The following DNAJC6 variants were observed in gnomAD, a reference collection of about 807,000 sequenced individuals.
DNAJC6 encodes the protein auxilin.
In DNAJC6, 34 loss-of-function variants were observed where a neutral mutation model predicts 110.0. That is an observed-to-expected ratio of 0.31 (90% CI 0.24 to 0.41). The LOEUF (loss-of-function observed/expected upper bound fraction) is 0.41, where lower values mean the gene tolerates loss of function less well. DNAJC6 is among the 10% of genes least tolerant of loss of function. DNAJC6 has a pLI of 1.00. For missense variants in DNAJC6, 1,031 were observed against 1,207.8 expected (o/e 0.85, Z 2.17); for synonymous variants, 406 against 437.2 (o/e 0.93, Z 0.89).
intron 1 of DNAJC6, among the ~76,000 whole-genome samples, chr1:65,319,081 A>G (rs1377163416): frequency 6.6e-6 from 1 of 152,194 alleles, no homozygotes; most frequent in Non-Finnish European, 1.5e-5. Flanking sequence ...GAAGCATTGC[A>G]CAGGTGAATG....
chr1:65,318,104 G>C (rs901228488), intron 1 of DNAJC6, among the ~76,000 whole-genome samples: 2 of 152,108 alleles, frequency 1.3e-5, no homozygotes, highest in African/African-American at 4.8e-5. Context: ...ACTTTATTCT[G>C]CAGGCAGTGG....
At chr1:65,355,705 AC>A (rs1218743864) in intron 1 of DNAJC6, among the ~76,000 whole-genome samples, 1 of 152,168 alleles carries the variant, frequency 6.6e-6, no homozygotes, top group Non-Finnish European at 1.5e-5. Flanking sequence ...AGAAGCAGAA[AC>A]TTCAGAGTGA....
At chr1:65,300,306 T>A (rs1341691805) in intron 1 of DNAJC6, among the ~76,000 whole-genome samples, 1 of 152,134 alleles carries the variant, frequency 6.6e-6, no homozygotes, top group Non-Finnish European at 1.5e-5. Flanking sequence ...TAACTCATGG[T>A]CCAAGTACCT....
intron 4 of DNAJC6, among the ~76,000 whole-genome samples, chr1:65,373,074 A>G (rs999811361): frequency 6.6e-6 from 1 of 152,062 alleles, no homozygotes; most frequent in Non-Finnish European, 1.5e-5. Flanking sequence ...TTATCTTTCT[A>G]TGCTTGGGTT....
chr1:65,287,414 T>G (rs1306630224), intron 1 of DNAJC6, among the ~76,000 whole-genome samples: 1 of 152,170 alleles, frequency 6.6e-6, no homozygotes, highest in South Asian at 2.1e-4. Context: ...CCTTATCTCC[T>G]TCTTTAAAAG....
intron 1 of DNAJC6, chr1:65,345,703 C>T: frequency 1.0e-6 from 1 of 983,746 alleles, no homozygotes; most frequent in Non-Finnish European, 1.2e-6. Context: ...GGGTAGGAAC[C>T]AACCTCCTAC....
At chr1:65,408,565 C>T (rs1476662496) in intron 16 of DNAJC6, 76 bp from the exon 17 acceptor site, 1 of 1,517,492 alleles carries the variant, frequency 6.6e-7, no homozygotes, top group African/African-American at 1.4e-5. Context: ...TTGAAGACTC[C>T]AGATGCTGTG....
rs571777446 is a variant in DNAJC6, at chr1:65,405,142, T to G, written c.2228-728T>G. Among the ~76,000 whole-genome samples the G allele has an allele frequency of 5.9e-5, 9 of 152,144 alleles. No homozygotes were observed. In the South Asian group the frequency reaches 1.9e-3, roughly 32 times the overall value. On this transcript the variant is annotated intron_variant, in intron 15 of 18. Transcript: ENST00000371069. ...CATAGCCCAGCTTGTATGCAATGAG[T>G]GCTTAAAAGTTTGGAGATTATGGAA... is the stretch of plus-strand genomic sequence containing the variant.
chr1:65,342,801 G>A (rs1450675721), intron 1 of DNAJC6, among the ~76,000 whole-genome samples: 1 of 152,152 alleles, frequency 6.6e-6, no homozygotes, highest in South Asian at 2.1e-4. Flanking sequence ...GTTTAAAAGT[G>A]AATAGAAACG....
chr1:65,388,946 G>A (rs955712836), intron 9 of DNAJC6, among the ~76,000 whole-genome samples: 4 of 152,194 alleles, frequency 2.6e-5, no homozygotes, highest in African/African-American at 9.6e-5. Flanking sequence ...GCTCAGGACA[G>A]TGGCTGTGGG....
chr1:65,401,464 A>C (rs1250246846), intron 14 of DNAJC6, among the ~76,000 whole-genome samples: 1 of 152,230 alleles, frequency 6.6e-6, no homozygotes, highest in Non-Finnish European at 1.5e-5. Flanking sequence ...CCTAACTTCG[A>C]ATCTTATAGG....
intron 1 of DNAJC6, among the ~76,000 whole-genome samples, chr1:65,268,473 T>C (rs1653405723): frequency 6.6e-6 from 1 of 152,240 alleles, no homozygotes; most frequent in African/African-American, 2.4e-5. Context: ...TAACAACTGT[T>C]ATGTGAAAAG....
At chr1:65,374,932 T>C (rs371506513) in intron 4 of DNAJC6, among the ~76,000 whole-genome samples, 11 of 152,166 alleles carry the variant, frequency 7.2e-5, no homozygotes, top group Admixed American at 3.9e-4. Flanking sequence ...TAGATGGCCA[T>C]TATTATTTTG....
intron 1 of DNAJC6, among the ~76,000 whole-genome samples, chr1:65,327,991 A>G (rs1014083793): frequency 6.6e-6 from 1 of 152,360 alleles, no homozygotes; most frequent in East Asian, 1.9e-4. Flanking sequence ...TTGGGATTAG[A>G]GGCGTGAGCC....
intron 1 of DNAJC6, among the ~76,000 whole-genome samples, chr1:65,354,879 A>G (rs1645527138): frequency 6.6e-6 from 1 of 152,152 alleles, no homozygotes; most frequent in Admixed American, 6.5e-5. Flanking sequence ...TGATTTTTGG[A>G]CATTCTGAAG....
intron 1 of DNAJC6, among the ~76,000 whole-genome samples, chr1:65,289,236 C>A (rs376773402): frequency 1.9e-4 from 29 of 152,072 alleles, no homozygotes; most frequent in African/African-American, 6.5e-4. Flanking sequence ...CGCTCTGTTA[C>A]CTAGGCTGGA....
At chr1:65,401,912 C>A in intron 15 of DNAJC6, 32 bp downstream of exon 15, 1 of 1,610,440 alleles carries the variant, frequency 6.2e-7, no homozygotes, top group South Asian at 1.1e-5. Flanking sequence ...ATACAAATAA[C>A]ATTTATTTAT....
chr1:65,314,493 T>A (rs975906031), intron 1 of DNAJC6, among the ~76,000 whole-genome samples: 5 of 152,282 alleles, frequency 3.3e-5, no homozygotes, highest in African/African-American at 7.2e-5. Context: ...ATTTTTTATT[T>A]TTTTTTTATT....
chr1:65,411,140 C>A, intron 17 of DNAJC6, 110 bp from the exon 18 acceptor site: 1 of 1,095,264 alleles, frequency 9.1e-7, no homozygotes, highest in Non-Finnish European at 1.3e-6. Flanking sequence ...TACAGGTTGC[C>A]CTAAGTGTTT....
Sources: allele counts gnomAD v4.1 joint callset (sites outside exome capture counted in the v4.1 genomes callset), GRCh38; gene constraint gnomAD v4.1.1; transcripts MANE v1.5; gene names NCBI Gene and HGNC (gene_info 2026-07-23, HGNC 2026-07-21).